The following KHDRBS3 variants were observed in gnomAD, a reference collection of about 807,000 sequenced individuals.
KHDRBS3 encodes KH RNA binding domain containing, signal transduction associated 3, also known as KH domain-containing, RNA-binding, signal transduction-associated protein 3.
A neutral mutation model predicts 45.6 loss-of-function variants in KHDRBS3; 23 were observed. The ratio of observed to expected loss-of-function variants is 0.50; its 90% CI spans 0.36 to 0.72. The LOEUF (loss-of-function observed/expected upper bound fraction) is 0.72, where lower values mean the gene tolerates loss of function less well. Among genes scored for constraint, KHDRBS3 ranks in the 30% least tolerant of loss-of-function variants. KHDRBS3 has a pLI of 0.00. For missense variants in KHDRBS3, 352 were observed against 424.8 expected, an observed-to-expected ratio of 0.83 and a Z score of 1.51; for synonymous variants, 162 against 156.5, an observed-to-expected ratio of 1.04 and a Z score of -0.26.
At chr8:135,646,888 C>A in intron 8 of KHDRBS3, 105 bp from the exon 9 acceptor site, 1 of 645,614 alleles carries the variant, frequency 1.5e-6, no homozygotes, top group Non-Finnish European at 2.9e-6. Context: ...TATATATTTT[C>A]AATATGACAT....
chr8:135,558,861 A>C (rs1298853623), intron 5 of KHDRBS3, among the ~76,000 whole-genome samples: 2 of 152,128 alleles, frequency 1.3e-5, no homozygotes, highest in African/African-American at 2.4e-5. Flanking sequence ...TCACTAGGCC[A>C]AAGTCAAGGT....
chr8:135,497,756 C>T (rs1823531374), intron 1 of KHDRBS3, among the ~76,000 whole-genome samples: 1 of 152,024 alleles, frequency 6.6e-6, no homozygotes, highest in African/African-American at 2.4e-5. Flanking sequence ...TTTTCAGTAA[C>T]CATGGTATGT....
chr8:135,472,675 T>C (rs1822072884), intron 1 of KHDRBS3, among the ~76,000 whole-genome samples: 4 of 152,192 alleles, frequency 2.6e-5, no homozygotes, highest in South Asian at 2.1e-4. Context: ...CTGAAGGATG[T>C]CATGCAGGAG....
At chr8:135,505,174 A>T (rs971835845) in intron 1 of KHDRBS3, among the ~76,000 whole-genome samples, 2 of 152,232 alleles carry the variant, frequency 1.3e-5, no homozygotes, top group African/African-American at 2.4e-5. Context: ...GGAACAAATT[A>T]GAAAGACCTC....
At chr8:135,516,215 T>C (rs769634123) in intron 1 of KHDRBS3, among the ~76,000 whole-genome samples, 7 of 152,218 alleles carry the variant, frequency 4.6e-5, no homozygotes, top group Non-Finnish European at 7.3e-5. Flanking sequence ...AAACATGGAA[T>C]ACTTGCATAG....
chr8:135,477,059 A>G (rs528227296), intron 1 of KHDRBS3, among the ~76,000 whole-genome samples: 25 of 152,234 alleles, frequency 1.6e-4, no homozygotes, highest in Non-Finnish European at 2.5e-4. Context: ...TGACAATGAT[A>G]ACTACTATTT....
At chr8:135,517,380 G>A (rs928928402) in intron 1 of KHDRBS3, among the ~76,000 whole-genome samples, 5 of 152,082 alleles carry the variant, frequency 3.3e-5, no homozygotes, top group Non-Finnish European at 5.9e-5. Context: ...CATCCATCTT[G>A]GTGGATCTCA....
intron 2 of KHDRBS3, among the ~76,000 whole-genome samples, chr8:135,533,718 G>A (rs549317285): frequency 1.3e-5 from 2 of 152,136 alleles, no homozygotes; most frequent in East Asian, 1.9e-4. Context: ...ACTGATCCTC[G>A]CTTACAATGG....
chr8:135,481,270 G>A (rs1822562749), intron 1 of KHDRBS3, among the ~76,000 whole-genome samples: 1 of 46,044 alleles, frequency 2.2e-5, no homozygotes, highest in South Asian at 7.3e-4. Flanking sequence ...AGCCTTCTGT[G>A]TACTTTTTTT....
At chr8:135,500,125 C>T (rs1320308863) in intron 1 of KHDRBS3, among the ~76,000 whole-genome samples, 1 of 152,120 alleles carries the variant, frequency 6.6e-6, no homozygotes, top group Admixed American at 6.6e-5. Flanking sequence ...AAAATCACTG[C>T]AGCTGCTGAT....
intron 1 of KHDRBS3, among the ~76,000 whole-genome samples, chr8:135,506,286 C>T (rs1823990179): frequency 6.6e-6 from 1 of 152,092 alleles, no homozygotes; most frequent in Non-Finnish European, 1.5e-5. Context: ...CACAGTTTTA[C>T]CTGTCAAGCT....
intron 6 of KHDRBS3, among the ~76,000 whole-genome samples, chr8:135,591,226 G>A (rs774693919): frequency 6.6e-6 from 1 of 152,190 alleles, no homozygotes; most frequent in Non-Finnish European, 1.5e-5. Flanking sequence ...CCCTGTCAAT[G>A]TATTCTAATG....
At chr8:135,501,253 G>T (rs895652725) in intron 1 of KHDRBS3, among the ~76,000 whole-genome samples, 1 of 152,122 alleles carries the variant, frequency 6.6e-6, no homozygotes, top group African/African-American at 2.4e-5. Context: ...ATTCTGTTAT[G>T]TTTTCTTAGA....
chr8:135,580,685 T>C (rs192353646), intron 5 of KHDRBS3, among the ~76,000 whole-genome samples: 36 of 150,872 alleles, frequency 2.4e-4, no homozygotes, highest in Admixed American at 7.9e-4. Flanking sequence ...TGATCCTGGC[T>C]CACTGCAACC....
chr8:135,458,210 A>G, intron 1 of KHDRBS3: 1 of 1,254,668 alleles, frequency 8.0e-7, no homozygotes, highest in South Asian at 2.0e-5. Flanking sequence ...ATCTTTGGGG[A>G]CTCGGGCACA....
intron 2 of KHDRBS3, chr8:135,541,165 CAG>C (rs1460601204): frequency 1.3e-5 from 2 of 152,098 alleles, no homozygotes; most frequent in African/African-American, 2.4e-5. Flanking sequence ...GAAAGTAAAA[CAG>C]AGAGACACAA....
intron 1 of KHDRBS3, among the ~76,000 whole-genome samples, chr8:135,474,635 A>C (rs1171513216): frequency 6.6e-6 from 1 of 152,254 alleles, no homozygotes; most frequent in Non-Finnish European, 1.5e-5. Context: ...TGTATTCTTA[A>C]GAGATTTTAT....
chr8:135,632,321 C>A (rs917825331), intron 7 of KHDRBS3, among the ~76,000 whole-genome samples: 6 of 152,146 alleles, frequency 3.9e-5, no homozygotes, highest in Non-Finnish European at 7.4e-5. Flanking sequence ...GCTCCTCTCT[C>A]TCTGGCTGGG....
At chr8:135,640,532 G>A (rs115019372) in intron 7 of KHDRBS3, among the ~76,000 whole-genome samples, 77 of 152,318 alleles carry the variant, frequency 5.1e-4, no homozygotes, top group African/African-American at 1.8e-3. Flanking sequence ...GAGAGGGACA[G>A]AGGGACATGC....
Sources: allele counts gnomAD v4.1 joint callset (sites outside exome capture counted in the v4.1 genomes callset), GRCh38; gene constraint gnomAD v4.1.1; transcripts MANE v1.5; gene names NCBI Gene and HGNC (gene_info 2026-07-23, HGNC 2026-07-21).